Variants in CCSER2 observed in about 807,000 individuals in gnomAD.
CCSER2 encodes the protein serine-rich coiled-coil domain-containing protein 2.
In CCSER2, 46 loss-of-function variants were observed where a neutral mutation model predicts 92.3. That is an observed-to-expected ratio of 0.50 (90% CI 0.39 to 0.64). The LOEUF is 0.64. CCSER2 is among the 30% of genes least tolerant of loss of function. The pLI, the probability that CCSER2 is intolerant of heterozygous loss-of-function variation, is 0.00. For missense variants in CCSER2, 1,244 were observed against 1,238.9 expected, an observed-to-expected ratio of 1.00 and a Z score of -0.06; for synonymous variants, 433 against 431.4, an observed-to-expected ratio of 1.00 and a Z score of -0.04.
chr10:84,454,953 G>A (rs1270678913), intron 6 of CCSER2: 2 of 152,188 alleles, frequency 1.3e-5, no homozygotes, highest in East Asian at 1.9e-4. Context: ...ATTGAATCAT[G>A]GGGGAAAGGG....
chr10:84,506,527 C>T (rs1196457969), intron 9 of CCSER2, among the ~76,000 whole-genome samples: 1 of 152,212 alleles, frequency 6.6e-6, no homozygotes, highest in Non-Finnish European at 1.5e-5. Context: ...GGCGTGGTGG[C>T]TCACGCCTGT....
At chr10:84,462,312 C>T (rs1450896350) in intron 6 of CCSER2, among the ~76,000 whole-genome samples, 1 of 152,136 alleles carries the variant, frequency 6.6e-6, no homozygotes, top group Non-Finnish European at 1.5e-5. Flanking sequence ...TGTACACTTC[C>T]CACAAGTGCA....
At chr10:84,399,935 A>G (rs76954523) in intron 3 of CCSER2, among the ~76,000 whole-genome samples, 8,821 of 151,576 alleles carry the variant, frequency 0.058, 360 homozygotes, top group Admixed American at 0.1. Context: ...TTAAGTAACC[A>G]TCTTACTGGG....
intron 6 of CCSER2, among the ~76,000 whole-genome samples, chr10:84,454,286 T>C (rs958260195): frequency 1.6e-4 from 25 of 152,186 alleles, no homozygotes; most frequent in African/African-American, 5.3e-4. Context: ...TCCCTTCTTA[T>C]AAGGATATCC....
At chr10:84,364,716 G>T (rs998453443) in intron 1 of CCSER2, among the ~76,000 whole-genome samples, 23 of 151,482 alleles carry the variant, frequency 1.5e-4, no homozygotes, top group Admixed American at 1.1e-3. Context: ...TTAAAAAAAG[G>T]CATTTATAAG....
At chr10:84,457,292 ATT>A (rs1845735206) in intron 6 of CCSER2, among the ~76,000 whole-genome samples, 2 of 75,800 alleles carry the variant, frequency 2.6e-5, no homozygotes, top group Admixed American at 5.3e-4. Flanking sequence ...TATATTATAT[ATT>A]ATATATAATA....
rs1374108758 is a variant in CCSER2 at position 84,457,216 on chromosome 10, T to A, written c.2065-6717T>A. ...TCCATGTCTTCTTTTATATATATAT[T>A]ACATATTATATATAAATATATTATA... On this transcript the variant is annotated intron_variant, in intron 6 of 9. Coordinates refer to ENST00000372088, the MANE Select transcript of CCSER2 (RefSeq NM_001284240.2). Among the ~76,000 whole-genome samples the A allele has an allele frequency of 2.3e-4, 25 of 108,038 alleles. 1 individual carries two copies. Among genetic ancestry groups the A allele is most frequent in the Non-Finnish European group, 4.1e-4 (23 of 56,102 alleles). The allele number at this position is 108,038 out of a possible 152,430, so 70.9% of individuals were successfully genotyped here.
chr10:84,428,604 T>A (rs1843573119), intron 5 of CCSER2, among the ~76,000 whole-genome samples: 1 of 152,198 alleles, frequency 6.6e-6, no homozygotes, highest in Non-Finnish European at 1.5e-5. Flanking sequence ...AAATGTCTTT[T>A]TATCTTTTGC....
intron 7 of CCSER2, among the ~76,000 whole-genome samples, chr10:84,468,753 A>G (rs1169524468): frequency 2.0e-5 from 3 of 152,174 alleles, no homozygotes; most frequent in Non-Finnish European, 4.4e-5. Flanking sequence ...ACACCTTGTT[A>G]TAGGTTTTCT....
chr10:84,486,870 G>GTACTGCCTAGGCTTTC (rs1257476377), intron 9 of CCSER2, among the ~76,000 whole-genome samples: 1 of 152,130 alleles, frequency 6.6e-6, no homozygotes, highest in East Asian at 1.9e-4. Context: ...AGTTTTTATG[G>GTACTGCCTAGGCTTTC]TTTTAGGTCT....
chr10:84,335,333 A>G (rs1156645708), intron 1 of CCSER2, among the ~76,000 whole-genome samples: 4 of 140,120 alleles, frequency 2.9e-5, no homozygotes, highest in Admixed American at 8.0e-5. Context: ...GGCTCTAGCT[A>G]TCCTCCTGCC....
At chr10:84,435,219 A>G (rs1446293101) in intron 5 of CCSER2, among the ~76,000 whole-genome samples, 1 of 152,356 alleles carries the variant, frequency 6.6e-6, no homozygotes, top group South Asian at 2.1e-4. Flanking sequence ...TTCAACAGCT[A>G]GTTACTGTCA....
chr10:84,503,675 TCTAA>T (rs1848891529), intron 9 of CCSER2, among the ~76,000 whole-genome samples: 1 of 152,232 alleles, frequency 6.6e-6, no homozygotes, highest in Non-Finnish European at 1.5e-5. Flanking sequence ...TCTTACTGTG[TCTAA>T]CTAAGCTTTT....
intron 6 of CCSER2, among the ~76,000 whole-genome samples, chr10:84,457,632 T>A (rs1845837559): frequency 1.1e-5 from 1 of 90,598 alleles, no homozygotes; most frequent in South Asian, 3.3e-4. Flanking sequence ...ATTTATATAT[T>A]ATATATAATT....
In CCSER2 at chr10:84,517,380, T is replaced by C. The variant is rs575002951; in HGVS notation, c.*3113T>C. On this transcript the variant is annotated 3_prime_UTR_variant, in exon 10 of 10. Transcript: ENST00000372088. ...AGACTGTTTCTAATAACTGAGACCA[T>C]CTAACATTTTTCTTTTGGAGTCTCA... 6.5e-6 allele frequency: 1 copy of C among 152,730 alleles called. No homozygotes were observed. The highest frequency in any genetic ancestry group is 1.9e-4 in the East Asian group (1 of 5,188). 9.5% of individuals were successfully genotyped at this position (152,730 alleles called of 1,614,324 possible). A position where few individuals can be genotyped will look rare whatever the true frequency, so the allele number is the denominator to read the frequency against.
intron 9 of CCSER2, among the ~76,000 whole-genome samples, chr10:84,503,906 A>G (rs1252101071): frequency 6.6e-6 from 1 of 152,196 alleles, no homozygotes. Flanking sequence ...ATTGTCTTAC[A>G]TCTTCTTTCT....
intron 9 of CCSER2, among the ~76,000 whole-genome samples, chr10:84,502,367 C>CT (rs562377515): frequency 0.29 from 32,664 of 111,034 alleles, 6,051 homozygotes; most frequent in East Asian, 0.43. Context: ...TTGATGACTT[C>CT]TTTTTTTTTT....
intron 3 of CCSER2, chr10:84,389,484 C>G: frequency 3.1e-6 from 1 of 319,378 alleles, no homozygotes; most frequent in Non-Finnish European, 6.2e-6. Flanking sequence ...GTCAGTTTCA[C>G]TGTAATTCTC....
intron 9 of CCSER2, among the ~76,000 whole-genome samples, chr10:84,482,757 C>A (rs1008111358): frequency 6.6e-6 from 1 of 152,076 alleles, no homozygotes; most frequent in Non-Finnish European, 1.5e-5. Context: ...CAGGTTAGAC[C>A]CAAAGGATCT....
Sources: gnomAD v4.1 joint callset for allele counts (sites outside exome capture counted in the v4.1 genomes callset) on GRCh38, gnomAD v4.1.1 for gene constraint, MANE v1.5 for transcripts, NCBI Gene and HGNC (gene_info 2026-07-23, HGNC 2026-07-21) for gene names.